FCRL5: variants seen among roughly 807,000 people sequenced by gnomAD.
The protein encoded by FCRL5 is Fc receptor-like protein 5.
In FCRL5, 79 loss-of-function variants were observed where a neutral mutation model predicts 92.1. The ratio of observed to expected loss-of-function variants is 0.86; its 90% CI spans 0.72 to 1.03. FCRL5 has a LOEUF of 1.03. Among genes scored for constraint, FCRL5 ranks in the 50% least tolerant of loss-of-function variants. The pLI is 0.00. For missense variants in FCRL5, 1,160 were observed against 1,181.1 expected (o/e 0.98, Z 0.26); for synonymous variants, 466 against 469.3 (o/e 0.99, Z 0.09).
intron 3 of FCRL5, chr1:157,546,320 C>T (rs1243753809): frequency 2.3e-6 from 1 of 432,204 alleles, no homozygotes; most frequent in East Asian, 7.1e-5. Context: ...TGATGGCGGG[C>T]TCTTGTAGTC....
At position 157,543,052 on chromosome 1, in the gene FCRL5, G is replaced by T; in HGVS notation, c.930C>A (p.Thr310=). 1.2e-6 allele frequency: 2 copies of T among 1,614,212 alleles called. No individual in the cohort carries two copies. Among genetic ancestry groups the T allele is most frequent in the Non-Finnish European group, 1.7e-6 (2 of 1,180,036 alleles). The change falls in exon 6 of 17, where the codon ACC becomes ACA. Residue 310 remains threonine, a synonymous_variant. Coordinates refer to ENST00000361835, the MANE Select transcript of FCRL5 (RefSeq NM_031281.3). ...EGTKVTLHCE[T]QEDSLRTLYR... ...ACAAAGTGCGCAGAGAATCTTCCTG[G>T]GTTTCACAGTGAAGTGTCACCTTGG...
chr1:157,549,911 G>A (rs1651739548), intron 1 of FCRL5, among the ~76,000 whole-genome samples: 1 of 152,070 alleles, frequency 6.6e-6, no homozygotes, highest in South Asian at 2.1e-4. Context: ...GGTATGTTGG[G>A]GGCAGAAGGG....
chr1:157,542,839 G>A lies in FCRL5; in HGVS notation c.1123+20C>T, dbSNP rs375251360. 90 of 1,599,496 alleles carry A rather than the reference G, an allele frequency of 5.6e-5. No individual in the cohort carries two copies. The highest frequency in any genetic ancestry group is 7.4e-5 in the Non-Finnish European group (87 of 1,171,322). On this transcript the variant is annotated intron_variant, in intron 6 of 16. Transcript: ENST00000361835. Reference sequence around the variant, plus strand: ...GACTCTTGGCCAGGGGTGGGTGATTGGCAGGAATGCAGGGCTTACCAGTGA... The same window carrying A: ...GACTCTTGGCCAGGGGTGGGTGATTAGCAGGAATGCAGGGCTTACCAGTGA...
At position 157,515,769 on chromosome 1, in the gene FCRL5, G is replaced by A; in HGVS notation, c.2845-5C>T. The A allele has an allele frequency of 7.5e-6, 12 of 1,608,790 alleles. No homozygotes were observed. Among genetic ancestry groups the A allele is most frequent in the Non-Finnish European group, 1.0e-5 (12 of 1,176,688 alleles). On this transcript the variant is annotated splice_polypyrimidine_tract_variant and splice_region_variant and intron_variant, in intron 16 of 16. Transcript: ENST00000361835. ...AGAGTAGATGATAGGGGAACCCTAG[G>A]AGGCAAGAGCACATGCGTGAGGACC...
At position 157,544,559 on chromosome 1, in the gene FCRL5, A is replaced by T; in HGVS notation, c.560-13T>A. On this transcript the variant is annotated splice_polypyrimidine_tract_variant and intron_variant, in intron 4 of 16. Coordinates refer to ENST00000361835, the MANE Select transcript of FCRL5 (RefSeq NM_031281.3). Reference sequence around the variant, plus strand: ...CGTGTAAATGGCTCTAGAGAGAAGAATCACAACAGTCCCAGAGCAATGAGG... The same window carrying T: ...CGTGTAAATGGCTCTAGAGAGAAGATTCACAACAGTCCCAGAGCAATGAGG... 6.2e-7 allele frequency: 1 copy of T among 1,611,308 alleles called. No homozygotes were observed. The highest frequency in any genetic ancestry group is 1.1e-5 in the South Asian group (1 of 91,010).
At chr1:157,524,021 T>C (rs919636290) in intron 10 of FCRL5, 3 of 491,440 alleles carry the variant, frequency 6.1e-6, no homozygotes, top group African/African-American at 5.7e-5. Flanking sequence ...ATATAGTTTA[T>C]GTTCTAAAAA....
Position 157,547,041 on chromosome 1 carries a change from G to T in FCRL5, c.209C>A (p.Thr70Asn). 6.2e-7 allele frequency: 1 copy of T among 1,614,166 alleles called. No individual in the cohort carries two copies. Among genetic ancestry groups the T allele is most frequent in the Non-Finnish European group, 8.5e-7 (1 of 1,180,036 alleles). ...CTGAACCTCAAGGATATTGTCTGGG[G>T]TTTCTCTTAGTATTTCTTTCCCAAG... ...RYLGKEILRE[T>N]PDNILEVQES... The change falls in exon 3 of 17, where the codon ACC (threonine) becomes AAC (asparagine). Residue 70 changes from threonine to asparagine, a missense_variant. Physicochemically the swap from Thr to Asn is moderately conservative, Grantham distance 65. Transcript: ENST00000361835.
intron 9 of FCRL5, among the ~76,000 whole-genome samples, chr1:157,524,841 A>C (rs2101605089): frequency 6.6e-6 from 1 of 152,322 alleles, no homozygotes; most frequent in Middle Eastern, 3.4e-3. Context: ...AGTTGGAGAG[A>C]GGAGAAATCA....
chr1:157,522,560 A>G (rs962641630), intron 10 of FCRL5: 1 of 152,260 alleles, frequency 6.6e-6, no homozygotes, highest in African/African-American at 2.4e-5. Flanking sequence ...TTAAACATTT[A>G]GCACAGAGCC....
chr1:157,547,242 G>T, intron 2 of FCRL5, 45 bp from the exon 3 acceptor site: 1 of 1,607,456 alleles, frequency 6.2e-7, no homozygotes, highest in South Asian at 1.1e-5. Context: ...GGCGCCTGCA[G>T]ACCCAGCCTC....
At chr1:157,518,910 A>C in intron 13 of FCRL5, 128 bp from the exon 14 acceptor site, 1 of 631,360 alleles carries the variant, frequency 1.6e-6, no homozygotes, top group Non-Finnish European at 2.8e-6. Context: ...AGTACATAAC[A>C]AACTGACCAT....
At chr1:157,524,078 G>A (rs1650315389) in intron 10 of FCRL5, 2 of 548,556 alleles carry the variant, frequency 3.6e-6, no homozygotes, top group Non-Finnish European at 3.2e-6. Flanking sequence ...TCTTCAAGAA[G>A]ACTGCTGGGA....
intron 7 of FCRL5, among the ~76,000 whole-genome samples, chr1:157,537,068 C>T (rs1326330795): frequency 6.6e-6 from 1 of 152,094 alleles, no homozygotes; most frequent in Non-Finnish European, 1.5e-5. Context: ...GTTAACTGCA[C>T]AAATTGTTTA....
At chr1:157,548,009 G>C (rs908261538) in intron 2 of FCRL5, among the ~76,000 whole-genome samples, 2 of 152,222 alleles carry the variant, frequency 1.3e-5, no homozygotes, top group African/African-American at 4.8e-5. Flanking sequence ...CATTCCTGCT[G>C]GCATCAGCAC....
intron 6 of FCRL5, among the ~76,000 whole-genome samples, chr1:157,540,170 C>T (rs1476625457): frequency 6.6e-6 from 1 of 152,236 alleles, no homozygotes; most frequent in Admixed American, 6.5e-5. Context: ...GCTACTCTCA[C>T]CAGCTCTCCT....
At chr1:157,552,299 C>A in intron 1 of FCRL5, 33 bp downstream of exon 1, 1 of 1,611,594 alleles carries the variant, frequency 6.2e-7, no homozygotes, top group East Asian at 2.2e-5. Context: ...GTCCCGATCC[C>A]ACCCAGGGCC....
At position 157,551,126 on chromosome 1, in the gene FCRL5, T is replaced by C. The variant is rs530460074; in HGVS notation, c.31+1206A>G. ...CTGCATTTACGTAGGTTATTTCATA[T>C]AACCATGTCAATAATCCTGTGAGGT... On this transcript the variant is annotated intron_variant, in intron 1 of 16. Transcript: ENST00000361835. Among the ~76,000 whole-genome samples the C allele has an allele frequency of 4.6e-5, 7 of 152,368 alleles. No homozygotes were observed. In the South Asian group the frequency reaches 1.5e-3, roughly 32 times the overall value.
In FCRL5 at chr1:157,515,619, C is replaced by G. The variant is rs746157963; in HGVS notation, c.*56G>C. 8 of 1,613,984 alleles carry G rather than the reference C, an allele frequency of 5.0e-6. No individual in the cohort carries two copies. Among genetic ancestry groups the G allele is most frequent in the East Asian group, 4.5e-5 (2 of 44,884 alleles). ...TTCCCACTTCAATGCTGCTTCTCCC[C>G]CAAGGGGAACTTTGGGGTGCAGAGG... is the stretch of plus-strand genomic sequence containing the variant. On this transcript the variant is annotated 3_prime_UTR_variant, in exon 17 of 17. Coordinates refer to ENST00000361835, the MANE Select transcript of FCRL5 (RefSeq NM_031281.3).
At chr1:157,527,562 T>G in intron 9 of FCRL5, 55 bp downstream of exon 9, 1 of 1,491,874 alleles carries the variant, frequency 6.7e-7, no homozygotes, top group Non-Finnish European at 9.0e-7. Context: ...TGGCTACTGG[T>G]AAAGTTAGGG....
Sources: allele counts gnomAD v4.1 joint callset (sites outside exome capture counted in the v4.1 genomes callset), GRCh38; gene constraint gnomAD v4.1.1; transcripts MANE v1.5; gene names NCBI Gene and HGNC (gene_info 2026-07-23, HGNC 2026-07-21).